The following KRTAP2-4 variants were observed in gnomAD, a reference collection of about 807,000 sequenced individuals.
KRTAP2-4 encodes keratin associated protein 2-4.
In KRTAP2-4, 7 loss-of-function variants were observed where a neutral mutation model predicts 11.5. The ratio of observed to expected loss-of-function variants is 0.61; its 90% CI spans 0.35 to 1.15. KRTAP2-4 has a LOEUF of 1.15. KRTAP2-4 is among the 50% of genes most tolerant of loss of function. The probability of loss-of-function intolerance (pLI) is 0.03; values close to 1 mark genes in which losing one functional copy is unlikely to be tolerated. For synonymous variants in KRTAP2-4, 49 were observed against 77.9 expected (o/e 0.63, Z 1.96); for missense variants, 93 against 183.2 (o/e 0.51, Z 2.84).
rs775495712 is a variant in KRTAP2-4 at position 41,065,486 on chromosome 17, G to T, written c.360C>A (p.Ser120Arg). Residue 120 changes from serine to arginine, a missense_variant, in exon 1 of 1, where the codon AGC becomes AGA. By Grantham distance (110) the Ser-to-Arg change is moderately radical. Transcript: ENST00000394015. ...AGCAGGAGGAGGTCCTGCAGGTGGTGCTGCAAGGGGTCGGCTGGCCGCAGG... is the reference window on the plus strand; with the variant it reads ...AGCAGGAGGAGGTCCTGCAGGTGGTTCTGCAAGGGGTCGGCTGGCCGCAGG... ...RPPCGQPTPC[S>R]TTCRTSSC 17 of 1,578,790 alleles carry T rather than the reference G, an allele frequency of 1.1e-5. No homozygotes were observed. In the South Asian group the frequency reaches 1.6e-4, roughly 15 times the overall value.
chr17:41,065,341 G>A lies in KRTAP2-4; in HGVS notation c.*118C>T. 2 of 1,452,988 alleles carry A rather than the reference G, an allele frequency of 1.4e-6. No homozygotes were observed. The highest frequency in any genetic ancestry group is 2.2e-4 in the Middle Eastern group (1 of 4,550). The allele number at this position is 1,452,988 out of a possible 1,614,324, so 90.0% of individuals were successfully genotyped here. A position where few individuals can be genotyped will look rare whatever the true frequency, so the allele number is the denominator to read the frequency against. ...GTCTGCTTACACCAGGCTGTATCCA[G>A]ATGGTAAAAATCACTATTGTCACCT... On this transcript the variant is annotated 3_prime_UTR_variant, in exon 1 of 1. Transcript: ENST00000394015.
chr17:41,065,470 A>C lies in KRTAP2-4; in HGVS notation c.376T>G (p.Ser126Ala). ...PTPCSTTCRT[S>A]SC Reference sequence around the variant, plus strand: ...GGGGCATTGGGGTCTCAGCAGGAGGAGGTCCTGCAGGTGGTGCTGCAAGGG... The same window carrying C: ...GGGGCATTGGGGTCTCAGCAGGAGGCGGTCCTGCAGGTGGTGCTGCAAGGG... The change falls in exon 1 of 1, where the codon TCC (serine) becomes GCC (alanine). Residue 126 changes from serine (S) to alanine (A), a missense_variant. By Grantham distance (99) the Ser-to-Ala change is moderately conservative. Coordinates refer to ENST00000394015, the MANE Select transcript of KRTAP2-4 (RefSeq NM_033184.4). 6.3e-7 allele frequency: 1 copy of C among 1,586,790 alleles called. No individual in the cohort carries two copies. Among genetic ancestry groups the C allele is most frequent in the Non-Finnish European group, 8.6e-7 (1 of 1,167,526 alleles).
rs2013259482 is a variant in KRTAP2-4, at chr17:41,065,514, G to A, written c.332C>T (p.Pro111Leu). ...PVSVQSPCCR[P>L]PCGQPTPCST... The stretch of plus-strand genomic sequence containing the variant: ...GCAAGGGGTCGGCTGGCCGCAGGGG[G>A]GCCGGCAGCAGGGGGACTGCACAGA... Residue 111 changes from proline to leucine, a missense_variant, in exon 1 of 1, where the codon CCC (proline) becomes CTC (leucine). Coordinates refer to ENST00000394015, the MANE Select transcript of KRTAP2-4 (RefSeq NM_033184.4). 1 of 1,468,314 alleles carries A rather than the reference G, an allele frequency of 6.8e-7. No individual in the cohort carries two copies. The highest frequency in any genetic ancestry group is 9.2e-7 in the Non-Finnish European group (1 of 1,081,710). 91.0% of individuals were successfully genotyped at this position (1,468,314 alleles called of 1,614,324 possible).
rs759588561 is a variant in KRTAP2-4, at chr17:41,065,668, G to A, written c.178C>T (p.Arg60Cys). 27 of 1,464,340 alleles carry A rather than the reference G, an allele frequency of 1.8e-5. No individual in the cohort carries two copies. The highest frequency in any genetic ancestry group is 7.0e-5 in the African/African-American group (5 of 71,366). The allele number at this position is 1,464,340 out of a possible 1,614,324, so 90.7% of individuals were successfully genotyped here. ...GAGCAGGGGTCGCAGCACACCGGGC[G>A]GCGGCAGGGCTCGCAGATGGGGCGC... ...CTRPICEPCRRPVCCDPCSLQ... is the reference protein window; with the variant it reads ...CTRPICEPCRCPVCCDPCSLQ... Residue 60 changes from arginine to cysteine, a missense_variant, in exon 1 of 1, where the codon CGC becomes TGC. Coordinates refer to ENST00000394015, the MANE Select transcript of KRTAP2-4 (RefSeq NM_033184.4).
chr17:41,065,682 C>T lies in KRTAP2-4; in HGVS notation c.164G>A (p.Cys55Tyr). 2 of 1,467,194 alleles carry T rather than the reference C, an allele frequency of 1.4e-6. No individual in the cohort carries two copies. Among genetic ancestry groups the T allele is most frequent in the Non-Finnish European group, 1.8e-6 (2 of 1,110,260 alleles). 90.9% of individuals were successfully genotyped at this position (1,467,194 alleles called of 1,614,324 possible). A position where few individuals can be genotyped will look rare whatever the true frequency, so the allele number is the denominator to read the frequency against. ...GCACACCGGGCGGCGGCAGGGCTCG[C>T]AGATGGGGCGCGTGCAGCGGGGCAC... ...TCVPRCTRPI[C>Y]EPCRRPVCCD... is the part of the protein sequence containing the mutation. Residue 55 changes from cysteine to tyrosine, a missense_variant, in exon 1 of 1, where the codon TGC (cysteine) becomes TAC (tyrosine). By Grantham distance (194) the Cys-to-Tyr change is radical (BLOSUM62 -2). Transcript: ENST00000394015.
chr17:41,065,571 C>T lies in KRTAP2-4; in HGVS notation c.275G>A (p.Cys92Tyr), dbSNP rs201193479. ...SSCTAVVCRP[C>Y]CWATTCCQPV... ...CTGGCAGCAGGTGGTGGCCCAGCAG[C>T]AGGGCCTGCACACCACAGCCGTGCA... The change falls in exon 1 of 1, where the codon TGC becomes TAC. Residue 92 changes from cysteine to tyrosine, a missense_variant. By Grantham distance (194) the Cys-to-Tyr change is radical. Coordinates refer to ENST00000394015, the MANE Select transcript of KRTAP2-4 (RefSeq NM_033184.4). The T allele has an allele frequency of 7.5e-6, 11 of 1,460,650 alleles. No homozygotes were observed. Among genetic ancestry groups the T allele is most frequent in the Non-Finnish European group, 1.0e-5 (11 of 1,085,416 alleles). 90.5% of individuals were successfully genotyped at this position (1,460,650 alleles called of 1,614,324 possible). A position where few individuals can be genotyped will look rare whatever the true frequency, so the allele number is the denominator to read the frequency against.
At position 41,065,592 on chromosome 17, in the gene KRTAP2-4, G is replaced by A. The variant is rs908676150; in HGVS notation, c.254C>T (p.Thr85Met). 1.7e-5 allele frequency: 26 copies of A among 1,511,504 alleles called. No individual in the cohort carries two copies. The African/African-American group carries it at 2.5e-4, about 15-fold the overall frequency. 93.6% of individuals were successfully genotyped at this position (1,511,504 alleles called of 1,614,324 possible). The change falls in exon 1 of 1, where the codon ACG becomes ATG. Residue 85 changes from threonine to methionine, a missense_variant. Thr to Met is a moderately conservative substitution (Grantham distance 81). Coordinates refer to ENST00000394015, the MANE Select transcript of KRTAP2-4 (RefSeq NM_033184.4). ...GCAGCAGGGCCTGCACACCACAGCCGTGCACGACGAGGGGCAGCAGGTGAT... is the reference window on the plus strand; with the variant it reads ...GCAGCAGGGCCTGCACACCACAGCCATGCACGACGAGGGGCAGCAGGTGAT... ...RPITCCPSSC[T>M]AVVCRPCCWA...
In KRTAP2-4 at chr17:41,065,367, T is replaced by C; in HGVS notation, c.*92A>G. ...ATGGTAAAAATCACTATTGTCACCT[T>C]GTGAAAAAAAATCTATTTTTCTTTT... is the stretch of plus-strand genomic sequence containing the variant. On this transcript the variant is annotated 3_prime_UTR_variant, in exon 1 of 1. Coordinates refer to ENST00000394015, the MANE Select transcript of KRTAP2-4 (RefSeq NM_033184.4). 1 of 1,483,804 alleles carries C rather than the reference T, an allele frequency of 6.7e-7. No homozygotes were observed. The highest frequency in any genetic ancestry group is 1.4e-5 in the South Asian group (1 of 73,732). The allele number at this position is 1,483,804 out of a possible 1,614,324, so 91.9% of individuals were successfully genotyped here.
rs985493354 is a variant in KRTAP2-4 at position 41,065,647 on chromosome 17, A to G, written c.199T>C (p.Cys67Arg). ...PCRRPVCCDP[C>R]SLQEGCCRPI... The stretch of plus-strand genomic sequence containing the variant: ...CGGCAGCAGCCTTCCTGCAGGGAGC[A>G]GGGGTCGCAGCACACCGGGCGGCGG... Residue 67 changes from cysteine (C) to arginine (R), a missense_variant, in exon 1 of 1, where the codon TGC becomes CGC. Transcript: ENST00000394015. The G allele has an allele frequency of 3.4e-6, 5 of 1,485,164 alleles. No individual in the cohort carries two copies. The African/African-American group carries it at 7.0e-5, about 21-fold the overall frequency. 92.0% of individuals were successfully genotyped at this position (1,485,164 alleles called of 1,614,324 possible).
Position 41,065,249 on chromosome 17 carries a change from A to T in KRTAP2-4, c.*210T>A. 1.1e-6 allele frequency: 1 copy of T among 930,070 alleles called. No individual in the cohort carries two copies. Among genetic ancestry groups the T allele is most frequent in the Non-Finnish European group, 1.5e-6 (1 of 646,960 alleles). The allele number at this position is 930,070 out of a possible 1,614,324, so 57.6% of individuals were successfully genotyped here. ...CCACCCCAGGAATTCTTAAAGGTCG[A>T]TTTACTATCCATAATGACTAAGGCT... On this transcript the variant is annotated 3_prime_UTR_variant, in exon 1 of 1. Coordinates refer to ENST00000394015, the MANE Select transcript of KRTAP2-4 (RefSeq NM_033184.4).
Position 41,065,675 on chromosome 17 carries a change from G to A in KRTAP2-4, c.171C>T (p.Pro57=). The A allele has an allele frequency of 1.4e-6, 2 of 1,465,750 alleles. No homozygotes were observed. Among genetic ancestry groups the A allele is most frequent in the South Asian group, 2.7e-5 (2 of 73,726 alleles). 90.8% of individuals were successfully genotyped at this position (1,465,750 alleles called of 1,614,324 possible). Residue 57 remains proline, a synonymous_variant, in exon 1 of 1, where the codon CCC becomes CCT. Coordinates refer to ENST00000394015, the MANE Select transcript of KRTAP2-4 (RefSeq NM_033184.4). ...VPRCTRPICE[P]CRRPVCCDPC... The stretch of plus-strand genomic sequence containing the variant: ...GGTCGCAGCACACCGGGCGGCGGCA[G>A]GGCTCGCAGATGGGGCGCGTGCAGC...
chr17:41,065,622 C>T lies in KRTAP2-4; in HGVS notation c.224G>A (p.Arg75His), dbSNP rs1205859112. The T allele has an allele frequency of 6.6e-6, 10 of 1,504,230 alleles. No individual in the cohort carries two copies. In the African/African-American group the frequency reaches 8.3e-5, roughly 12 times the overall value. 93.2% of individuals were successfully genotyped at this position (1,504,230 alleles called of 1,614,324 possible). Residue 75 changes from arginine to histidine, a missense_variant, in exon 1 of 1, where the codon CGC (arginine) becomes CAC (histidine). Arg to His is a conservative substitution (Grantham distance 29, BLOSUM62 0). Transcript: ENST00000394015. Reference protein sequence around the residue: ...DPCSLQEGCCRPITCCPSSCT... With the variant: ...DPCSLQEGCCHPITCCPSSCT... ...CGACGAGGGGCAGCAGGTGATGGGG[C>T]GGCAGCAGCCTTCCTGCAGGGAGCA...
In KRTAP2-4 at chr17:41,065,820, G is replaced by A. The variant is rs2013272171; in HGVS notation, c.26C>T (p.Thr9Ile). Residue 9 changes from threonine (T) to isoleucine (I), a missense_variant, in exon 1 of 1, where the codon ACC becomes ATC. Thr to Ile is a moderately conservative substitution (Grantham distance 89). Transcript: ENST00000394015. MTGSCCGS[T>I]LSSLSYGGGC... ...TCCCCCGTAGCTCAGGGAGGACAAG[G>A]TGGAGCCGCAGCAGGAGCCGGTCAT... 3 of 1,531,536 alleles carry A rather than the reference G, an allele frequency of 2.0e-6. No homozygotes were observed. The highest frequency in any genetic ancestry group is 4.9e-5 in the East Asian group (2 of 40,898). The allele number at this position is 1,531,536 out of a possible 1,614,324, so 94.9% of individuals were successfully genotyped here.
rs764178422 is a variant in KRTAP2-4, at chr17:41,065,506, C to G, written c.340G>C (p.Gly114Arg). 1.8e-5 allele frequency: 28 copies of G among 1,556,680 alleles called. 1 individual carries two copies. In the East Asian group the frequency reaches 5.1e-4, roughly 28 times the overall value. ...GTGGTGCTGCAAGGGGTCGGCTGGC[C>G]GCAGGGGGGCCGGCAGCAGGGGGAC... ...VQSPCCRPPCGQPTPCSTTCR... is the reference protein window; with the variant it reads ...VQSPCCRPPCRQPTPCSTTCR... The change falls in exon 1 of 1, where the codon GGC becomes CGC. Residue 114 changes from glycine (G) to arginine (R), a missense_variant. Coordinates refer to ENST00000394015, the MANE Select transcript of KRTAP2-4 (RefSeq NM_033184.4).
rs939158380 is a variant in KRTAP2-4 at position 41,065,432 on chromosome 17, G to T, written c.*27C>A. 1 of 1,585,800 alleles carries T rather than the reference G, an allele frequency of 6.3e-7. No individual in the cohort carries two copies. The highest frequency in any genetic ancestry group is 8.6e-7 in the Non-Finnish European group (1 of 1,166,632). Reference sequence around the variant, plus strand: ...ACCAGATAGATGTTTAGGCTTCAGTGTATTGCTCTGTGGGGGCATTGGGGT... The same window carrying T: ...ACCAGATAGATGTTTAGGCTTCAGTTTATTGCTCTGTGGGGGCATTGGGGT... On this transcript the variant is annotated 3_prime_UTR_variant, in exon 1 of 1. Transcript: ENST00000394015.
In KRTAP2-4 at chr17:41,065,695, T is replaced by C. The variant is rs1340897957; in HGVS notation, c.151A>G (p.Thr51Ala). ...CRPVTCVPRC[T>A]RPICEPCRRP... ...CGGCAGGGCTCGCAGATGGGGCGCG[T>C]GCAGCGGGGCACGCAGGTCACGGGG... The change falls in exon 1 of 1, where the codon ACG (threonine) becomes GCG (alanine). Residue 51 changes from threonine to alanine, a missense_variant. Coordinates refer to ENST00000394015, the MANE Select transcript of KRTAP2-4 (RefSeq NM_033184.4). The C allele has an allele frequency of 8.1e-6, 12 of 1,474,770 alleles. No individual in the cohort carries two copies. The East Asian group carries it at 3.0e-4, about 37-fold the overall frequency. The allele number at this position is 1,474,770 out of a possible 1,614,324, so 91.4% of individuals were successfully genotyped here.
Position 41,065,709 on chromosome 17 carries a change from C to G in KRTAP2-4, c.137G>C (p.Cys46Ser). The G allele has an allele frequency of 6.7e-7, 1 of 1,482,354 alleles. No homozygotes were observed. The highest frequency in any genetic ancestry group is 8.9e-7 in the Non-Finnish European group (1 of 1,119,474). 91.8% of individuals were successfully genotyped at this position (1,482,354 alleles called of 1,614,324 possible). The change falls in exon 1 of 1, where the codon TGC becomes TCC. Residue 46 changes from cysteine to serine, a missense_variant. Transcript: ENST00000394015. ...CQTTVCRPVT[C>S]VPRCTRPICE... ...GATGGGGCGCGTGCAGCGGGGCACG[C>G]AGGTCACGGGGCGGCACACGGTGGT... is the stretch of plus-strand genomic sequence containing the variant.
Position 41,065,433 on chromosome 17 carries a change from T to C in KRTAP2-4, c.*26A>G. 1 of 1,586,316 alleles carries C rather than the reference T, an allele frequency of 6.3e-7. No individual in the cohort carries two copies. Among genetic ancestry groups the C allele is most frequent in the Non-Finnish European group, 8.6e-7 (1 of 1,166,900 alleles). On this transcript the variant is annotated 3_prime_UTR_variant, in exon 1 of 1. Coordinates refer to ENST00000394015, the MANE Select transcript of KRTAP2-4 (RefSeq NM_033184.4). ...CCAGATAGATGTTTAGGCTTCAGTG[T>C]ATTGCTCTGTGGGGGCATTGGGGTC... is the stretch of plus-strand genomic sequence containing the variant.
Position 41,065,511 on chromosome 17 carries a change from G to T in KRTAP2-4, c.335C>A (p.Pro112His), listed in dbSNP as rs760841126. The T allele has an allele frequency of 2.0e-6, 3 of 1,472,172 alleles. No homozygotes were observed. The highest frequency in any genetic ancestry group is 1.8e-4 in the Middle Eastern group (1 of 5,710). The allele number at this position is 1,472,172 out of a possible 1,614,324, so 91.2% of individuals were successfully genotyped here. A position where few individuals can be genotyped will look rare whatever the true frequency, so the allele number is the denominator to read the frequency against. The change falls in exon 1 of 1, where the codon CCC (proline) becomes CAC (histidine). Residue 112 changes from proline (P) to histidine (H), a missense_variant. Transcript: ENST00000394015. ...GCTGCAAGGGGTCGGCTGGCCGCAG[G>T]GGGGCCGGCAGCAGGGGGACTGCAC... ...VSVQSPCCRPPCGQPTPCSTT... is the reference protein window; with the variant it reads ...VSVQSPCCRPHCGQPTPCSTT...
Sources: gnomAD v4.1 joint callset for allele counts on GRCh38, gnomAD v4.1.1 for gene constraint, MANE v1.5 for transcripts, NCBI Gene and HGNC (gene_info 2026-07-23, HGNC 2026-07-21) for gene names.